The following RYR3 variants were observed in gnomAD, a reference collection of about 807,000 sequenced individuals.
RYR3 encodes the protein brain ryanodine receptor-calcium release channel.
Under a neutral mutation model 584.3 loss-of-function variants are expected in RYR3, and 207 were observed. The observed-to-expected ratio is 0.35, with a 90% confidence interval of 0.32 to 0.40. The LOEUF (loss-of-function observed/expected upper bound fraction) is 0.40, where lower values mean the gene tolerates loss of function less well. Ranked by LOEUF, RYR3 falls within the 10% of genes least tolerant of loss-of-function variation. RYR3 has a pLI of 1.00. For synonymous variants in RYR3, 2,416 were observed against 2,248.5 expected (o/e 1.07, Z -2.11); for missense variants, 5,616 against 6,089.2 (o/e 0.92, Z 2.59).
intron 38 of RYR3, among the ~76,000 whole-genome samples, chr15:33,694,522 G>T (rs935039096): frequency 6.6e-6 from 1 of 151,628 alleles, no homozygotes; most frequent in Admixed American, 6.6e-5. Flanking sequence ...GGGATTACAG[G>T]CGTGAGCCAC....
chr15:33,856,103 C>T (rs2079629961), intron 98 of RYR3: 1 of 152,312 alleles, frequency 6.6e-6, no homozygotes, highest in South Asian at 2.1e-4. Flanking sequence ...AGGCTCAGAG[C>T]AGCTAAATGT....
At chr15:33,859,554 C>T (rs765052458) in intron 99 of RYR3, 21 bp from the exon 100 acceptor site, 4 of 1,613,042 alleles carry the variant, frequency 2.5e-6, no homozygotes, top group Admixed American at 1.7e-5. Flanking sequence ...TGCCTAAATC[C>T]CCCTTATTTT....
At chr15:33,575,848 TA>T (rs2058275201) in intron 12 of RYR3, among the ~76,000 whole-genome samples, 1 of 129,600 alleles carries the variant, frequency 7.7e-6, no homozygotes, top group African/African-American at 3.9e-5. Context: ...AAAAAAAAAT[TA>T]ATAAAATAGA....
chr15:33,450,535 C>T (rs190790307), intron 1 of RYR3, among the ~76,000 whole-genome samples: 2 of 151,942 alleles, frequency 1.3e-5, no homozygotes, highest in African/African-American at 2.4e-5. Context: ...AGCAGAGTGA[C>T]GTTATCTATT....
chr15:33,746,115 G>A lies in RYR3; in HGVS notation c.7947G>A (p.Lys2649=). ...KYGISLDENV[K]THPLIRPFKT... ...GGATTTCCCTGGATGAAAATGTGAA[G>A]ACCCACCCACTGATAAGGCCTTTCA... The change falls in exon 53 of 104, where the codon AAG becomes AAA. Residue 2649 remains lysine (K), a synonymous_variant. Transcript: ENST00000634891. 6.2e-7 allele frequency: 1 copy of A among 1,601,304 alleles called. No homozygotes were observed. Among genetic ancestry groups the A allele is most frequent in the Non-Finnish European group, 8.5e-7 (1 of 1,173,950 alleles).
chr15:33,671,194 C>G (rs2063817486), intron 38 of RYR3, among the ~76,000 whole-genome samples: 2 of 152,160 alleles, frequency 1.3e-5, no homozygotes, highest in South Asian at 4.1e-4. Context: ...GGCTGTTAGA[C>G]TATCTCTAGG....
chr15:33,852,021 A>T (rs1004622303), intron 94 of RYR3: 3 of 149,978 alleles, frequency 2.0e-5, no homozygotes, highest in Non-Finnish European at 4.4e-5. Flanking sequence ...AAAAAAAAAC[A>T]TTTTTTTTTA....
intron 11 of RYR3, among the ~76,000 whole-genome samples, chr15:33,565,953 G>A (rs1436602110): frequency 1.3e-5 from 2 of 152,148 alleles, no homozygotes; most frequent in Non-Finnish European, 2.9e-5. Context: ...TTAGATTCTA[G>A]GTGCCATGCC....
intron 39 of RYR3, among the ~76,000 whole-genome samples, chr15:33,696,933 C>T (rs1352667768): frequency 6.6e-6 from 1 of 152,016 alleles, no homozygotes; most frequent in African/African-American, 2.4e-5. Flanking sequence ...ATAACTTTCC[C>T]CTTAACAGTA....
chr15:33,677,440 G>T (rs182129982), intron 38 of RYR3, among the ~76,000 whole-genome samples: 1 of 152,136 alleles, frequency 6.6e-6, no homozygotes, highest in African/African-American at 2.4e-5. Context: ...ATCAGCAGAC[G>T]CCCTCTGTCC....
chr15:33,673,639 A>T (rs1357303017), intron 38 of RYR3, among the ~76,000 whole-genome samples: 1 of 152,228 alleles, frequency 6.6e-6, no homozygotes, highest in East Asian at 1.9e-4. Flanking sequence ...CAATGTAAAT[A>T]TATAGGCATT....
chr15:33,858,736 C>T (rs2079996527), intron 99 of RYR3: 1 of 152,262 alleles, frequency 6.6e-6, no homozygotes, highest in African/African-American at 2.4e-5. Flanking sequence ...AAAGGCACTG[C>T]CCAGAGTAAG....
rs576919237 is a variant in RYR3 at position 33,515,332 on chromosome 15, C to T, written c.279+11594C>T. On this transcript the variant is annotated intron_variant, in intron 3 of 103. Transcript: ENST00000634891. ...AGAATGAGCAACTGCTGTTCCCAGGCAACCACTTTGATGGTGCAGGGCAGG... is the reference window on the plus strand; with the variant it reads ...AGAATGAGCAACTGCTGTTCCCAGGTAACCACTTTGATGGTGCAGGGCAGG... 2.0e-5 allele frequency among the ~76,000 whole-genome samples: 3 copies of T among 152,272 alleles called. No individual in the cohort carries two copies. In the South Asian group the frequency reaches 6.2e-4, roughly 32 times the overall value.
intron 52 of RYR3, 109 bp downstream of exon 52, chr15:33,742,553 C>T: frequency 2.7e-6 from 2 of 746,016 alleles, no homozygotes; most frequent in East Asian, 2.6e-5. Context: ...ACAGATTTTC[C>T]ATGCCGAGAG....
At chr15:33,321,859 A>G (rs980806564) in intron 1 of RYR3, among the ~76,000 whole-genome samples, 13 of 152,204 alleles carry the variant, frequency 8.5e-5, no homozygotes, top group Admixed American at 7.9e-4. Context: ...AGTGAACTCT[A>G]TGGATGAGTT....
intron 72 of RYR3, among the ~76,000 whole-genome samples, chr15:33,811,317 A>G (rs981638702): frequency 2.6e-5 from 4 of 152,078 alleles, no homozygotes; most frequent in African/African-American, 9.7e-5. Flanking sequence ...CATCCTGGCT[A>G]ACACGGTGAA....
intron 3 of RYR3, among the ~76,000 whole-genome samples, chr15:33,512,882 ATCTGT>A (rs1444632634): frequency 1.3e-5 from 2 of 152,338 alleles, no homozygotes; most frequent in Admixed American, 6.5e-5. Flanking sequence ...CCAGGACACA[ATCTGT>A]AGGTAAACAG....
At chr15:33,706,847 ATTTTTTGAGGTGTG>A in intron 42 of RYR3, 58 bp from the exon 43 acceptor site, 1 of 1,427,388 alleles carries the variant, frequency 7.0e-7, no homozygotes, top group Non-Finnish European at 9.5e-7. Context: ...AACACTTGTT[ATTTTTTGAGGTGTG>A]TTTTTTAATA....
Position 33,738,577 on chromosome 15 carries a change from C to T in RYR3, c.7643C>T (p.Ser2548Leu), listed in dbSNP as rs750619066. ...AAGCTTTTCTGGGGGATTTTTGACT[C>T]GCTCTCCCATAAGGTAATGACAGTA... ...TEKLFWGIFD[S>L]LSHKKYDPDL... The change falls in exon 50 of 104, where the codon TCG (serine) becomes TTG (leucine). Residue 2548 changes from serine to leucine, a missense_variant. By Grantham distance (145) the Ser-to-Leu change is moderately radical (BLOSUM62 -2). Transcript: ENST00000634891. The T allele has an allele frequency of 1.2e-5, 19 of 1,613,922 alleles. No homozygotes were observed. The highest frequency in any genetic ancestry group is 1.7e-4 in the Middle Eastern group (1 of 6,060).
Sources: allele counts gnomAD v4.1 joint callset (sites outside exome capture counted in the v4.1 genomes callset), GRCh38; gene constraint gnomAD v4.1.1; transcripts MANE v1.5; gene names NCBI Gene and HGNC (gene_info 2026-07-23, HGNC 2026-07-21).